The following LMX1A variants were observed in gnomAD, a reference collection of about 807,000 sequenced individuals.
LMX1A encodes LIM homeobox transcription factor 1-alpha.
A neutral mutation model predicts 49.1 loss-of-function variants in LMX1A; 15 were observed. The ratio of observed to expected loss-of-function variants is 0.31; its 90% CI spans 0.20 to 0.47. LMX1A has a LOEUF of 0.47. Among genes scored for constraint, LMX1A ranks in the 20% least tolerant of loss-of-function variants. The probability of loss-of-function intolerance (pLI) is 1.00; values close to 1 mark genes in which losing one functional copy is unlikely to be tolerated. For synonymous variants in LMX1A, 167 were observed against 185.7 expected (o/e 0.90, Z 0.82); for missense variants, 372 against 475.8 (o/e 0.78, Z 2.03).
intron 3 of LMX1A, among the ~76,000 whole-genome samples, chr1:165,348,809 G>A (rs1043964276): frequency 1.3e-5 from 2 of 152,150 alleles, no homozygotes; most frequent in South Asian, 2.1e-4. Flanking sequence ...TACCTAAGTC[G>A]TTTTCACCAC....
intron 3 of LMX1A, among the ~76,000 whole-genome samples, chr1:165,294,301 G>C (rs756040643): frequency 8.5e-5 from 13 of 152,238 alleles, no homozygotes; most frequent in Non-Finnish European, 1.6e-4. Flanking sequence ...TGTGACTCCA[G>C]TGGTTGCACT....
chr1:165,348,916 G>A (rs1017359194), intron 3 of LMX1A, among the ~76,000 whole-genome samples: 14 of 152,156 alleles, frequency 9.2e-5, no homozygotes, highest in Non-Finnish European at 1.8e-4. Flanking sequence ...TGGAAAATTG[G>A]TCTTCTCCAA....
At chr1:165,348,738 C>T (rs1169772028) in intron 3 of LMX1A, among the ~76,000 whole-genome samples, 1 of 152,184 alleles carries the variant, frequency 6.6e-6, no homozygotes, top group African/African-American at 2.4e-5. Flanking sequence ...CACACACACA[C>T]TTCCTCCACT....
chr1:165,247,054 C>CTTGTTTTTTTTTTTTTTTTT (rs1652875442), intron 4 of LMX1A, among the ~76,000 whole-genome samples: 1 of 53,228 alleles, frequency 1.9e-5, no homozygotes, highest in East Asian at 7.9e-4. Flanking sequence ...TCAGCTTTTT[C>CTTGTTTTTTTTTTTTTTTTT]TTTTTTTTTT....
At chr1:165,272,952 C>T (rs1213208987) in intron 3 of LMX1A, among the ~76,000 whole-genome samples, 6 of 152,148 alleles carry the variant, frequency 3.9e-5, no homozygotes, top group Admixed American at 3.3e-4. Flanking sequence ...TAAGCACATC[C>T]CTGGCAGCAT....
At chr1:165,266,865 T>G (rs577583236) in intron 3 of LMX1A, among the ~76,000 whole-genome samples, 209 of 152,270 alleles carry the variant, frequency 1.4e-3, no homozygotes, top group African/African-American at 5.0e-3. Context: ...CCTCCCAAAG[T>G]GCTGGGATTA....
chr1:165,292,848 G>A (rs1227571704), intron 3 of LMX1A, among the ~76,000 whole-genome samples: 1 of 152,136 alleles, frequency 6.6e-6, no homozygotes, highest in Non-Finnish European at 1.5e-5. Flanking sequence ...TCCAGGCGCG[G>A]TGGCTCACGC....
intron 4 of LMX1A, among the ~76,000 whole-genome samples, chr1:165,220,412 G>A (rs889178493): frequency 6.6e-6 from 1 of 152,206 alleles, no homozygotes; most frequent in Non-Finnish European, 1.5e-5. Context: ...ACAAAGGACA[G>A]GAAGGAAAGG....
intron 3 of LMX1A, among the ~76,000 whole-genome samples, chr1:165,307,071 T>G (rs1441974699): frequency 6.6e-6 from 1 of 152,218 alleles, no homozygotes; most frequent in South Asian, 2.1e-4. Flanking sequence ...AATCAGGCAG[T>G]GCAGGCAAAG....
Position 165,290,536 on chromosome 1 carries a change from C to T in LMX1A, c.264-40896G>A, listed in dbSNP as rs147776068. ...GGCCCACCCAGACAAACCAGGATTA[C>T]GCCCTCATCTCAAGATCCTTAATTT... On this transcript the variant is annotated intron_variant, in intron 3 of 8. Transcript: ENST00000342310. 5.6e-3 allele frequency among the ~76,000 whole-genome samples: 859 copies of T among 152,222 alleles called. 7 individuals carry two copies. Among genetic ancestry groups the T allele is most frequent in the Middle Eastern group, 0.054 (16 of 294 alleles).
chr1:165,209,974 G>T (rs986764181), intron 6 of LMX1A, among the ~76,000 whole-genome samples: 1 of 152,194 alleles, frequency 6.6e-6, no homozygotes, highest in Non-Finnish European at 1.5e-5. Flanking sequence ...ACACCCAGTT[G>T]GTATCCACTG....
intron 3 of LMX1A, among the ~76,000 whole-genome samples, chr1:165,253,269 C>T (rs1383304137): frequency 6.6e-6 from 1 of 152,110 alleles, no homozygotes; most frequent in Non-Finnish European, 1.5e-5. Context: ...AAAGCAATGT[C>T]CCATGAATAT....
At chr1:165,311,189 A>G (rs1655067506) in intron 3 of LMX1A, among the ~76,000 whole-genome samples, 1 of 152,216 alleles carries the variant, frequency 6.6e-6, no homozygotes, top group African/African-American at 2.4e-5. Flanking sequence ...GAGTGATCAG[A>G]ATAAACTGCA....
At chr1:165,226,870 A>T (rs991734102) in intron 4 of LMX1A, among the ~76,000 whole-genome samples, 1 of 152,166 alleles carries the variant, frequency 6.6e-6, no homozygotes, top group African/African-American at 2.4e-5. Context: ...TTCCATCATC[A>T]TGTATTCATC....
intron 4 of LMX1A, among the ~76,000 whole-genome samples, chr1:165,229,900 G>A (rs536607487): frequency 5.9e-5 from 9 of 152,180 alleles, no homozygotes; most frequent in Non-Finnish European, 1.3e-4. Flanking sequence ...GACTGTTATG[G>A]ACTGAAGGTT....
intron 3 of LMX1A, among the ~76,000 whole-genome samples, chr1:165,302,560 C>T (rs1358230094): frequency 1.3e-5 from 2 of 152,228 alleles, no homozygotes; most frequent in African/African-American, 4.8e-5. Flanking sequence ...CCTCCTCACT[C>T]ATTCACTACC....
chr1:165,218,660 C>T (rs1272024537), intron 4 of LMX1A: 1 of 152,218 alleles, frequency 6.6e-6, no homozygotes, highest in African/African-American at 2.4e-5. Context: ...AAAATTTACA[C>T]TGATCGATTT....
At chr1:165,255,467 T>A (rs1212280521) in intron 3 of LMX1A, among the ~76,000 whole-genome samples, 1 of 152,238 alleles carries the variant, frequency 6.6e-6, no homozygotes, top group African/African-American at 2.4e-5. Context: ...CCAGGCAGCA[T>A]GACTGGGAGA....
intron 5 of LMX1A, among the ~76,000 whole-genome samples, chr1:165,212,197 C>T (rs1440045416): frequency 2.0e-5 from 3 of 152,234 alleles, no homozygotes; most frequent in Admixed American, 6.5e-5. Flanking sequence ...TCCTTCCCTC[C>T]CCTGCTCCGT....
Sources: gnomAD v4.1 joint callset for allele counts (sites outside exome capture counted in the v4.1 genomes callset) on GRCh38, gnomAD v4.1.1 for gene constraint, MANE v1.5 for transcripts, NCBI Gene and HGNC (gene_info 2026-07-23, HGNC 2026-07-21) for gene names.